The following RBFOX1 variants were observed in gnomAD, a reference collection of about 807,000 sequenced individuals.
RBFOX1 encodes RNA binding fox-1 homolog 1.
Under a neutral mutation model 57.7 loss-of-function variants are expected in RBFOX1, and 8 were observed. The ratio of observed to expected loss-of-function variants is 0.14; its 90% CI spans 0.08 to 0.25. The LOEUF (loss-of-function observed/expected upper bound fraction) is 0.25, where lower values mean the gene tolerates loss of function less well. RBFOX1 is among the 10% of genes least tolerant of loss of function. The pLI, the probability that RBFOX1 is intolerant of heterozygous loss-of-function variation, is 1.00. For missense variants in RBFOX1, 611 were observed against 548.5 expected (o/e 1.11, Z -1.14); for synonymous variants, 326 against 222.4 (o/e 1.47, Z -4.15).
chr16:6,243,909 C>T (rs904796047), intron 1 of RBFOX1, among the ~76,000 whole-genome samples: 1 of 152,136 alleles, frequency 6.6e-6, no homozygotes, highest in Non-Finnish European at 1.5e-5. Flanking sequence ...TGTATCAACA[C>T]TCATGTTGGA....
intron 1 of RBFOX1, among the ~76,000 whole-genome samples, chr16:6,156,913 C>T (rs1438520763): frequency 6.6e-6 from 1 of 152,148 alleles, no homozygotes; most frequent in Non-Finnish European, 1.5e-5. Flanking sequence ...GATTATGGTT[C>T]ACCATAGCCC....
intron 2 of RBFOX1, among the ~76,000 whole-genome samples, chr16:6,480,077 C>G (rs981030099): frequency 6.7e-6 from 1 of 149,036 alleles, no homozygotes; most frequent in Non-Finnish European, 1.5e-5. Context: ...AATCACTGGT[C>G]TAGAAAAATG....
At chr16:6,036,850 G>T (rs1342412304) in intron 1 of RBFOX1, among the ~76,000 whole-genome samples, 1 of 152,190 alleles carries the variant, frequency 6.6e-6, no homozygotes, top group African/African-American at 2.4e-5. Context: ...TTCTCAAAGT[G>T]CTATATGGGA....
At chr16:6,230,851 C>T (rs965907588) in intron 1 of RBFOX1, among the ~76,000 whole-genome samples, 1 of 152,162 alleles carries the variant, frequency 6.6e-6, no homozygotes, top group Non-Finnish European at 1.5e-5. Flanking sequence ...TATACATAAA[C>T]TCCTTGGTGT....
intron 3 of RBFOX1, among the ~76,000 whole-genome samples, chr16:6,859,125 A>ATATG (rs2058454440): frequency 1.5e-5 from 1 of 66,328 alleles, no homozygotes; most frequent in Non-Finnish European, 2.6e-5. Flanking sequence ...ATATATATAT[A>ATATG]TATACATATA....
At chr16:7,543,367 A>G (rs2083473959) in intron 5 of RBFOX1, among the ~76,000 whole-genome samples, 1 of 152,206 alleles carries the variant, frequency 6.6e-6, no homozygotes. Context: ...AGAAATTACA[A>G]GACTTTTTTA....
chr16:6,066,465 C>T (rs550854006), intron 1 of RBFOX1, among the ~76,000 whole-genome samples: 1 of 152,168 alleles, frequency 6.6e-6, no homozygotes, highest in African/African-American at 2.4e-5. Flanking sequence ...TACAGTGCTG[C>T]TAAGTTAGAT....
At chr16:6,230,768 A>G (rs562705881) in intron 1 of RBFOX1, among the ~76,000 whole-genome samples, 1 of 152,190 alleles carries the variant, frequency 6.6e-6, no homozygotes, top group Non-Finnish European at 1.5e-5. Context: ...CTTCTGGGAG[A>G]TGAAGTCCAA....
chr16:6,150,987 G>T (rs904287603), intron 1 of RBFOX1, among the ~76,000 whole-genome samples: 1 of 152,140 alleles, frequency 6.6e-6, no homozygotes, highest in Admixed American at 6.5e-5. Context: ...TGTTCCTGCT[G>T]TTCTCCAGGA....
intron 2 of RBFOX1, among the ~76,000 whole-genome samples, chr16:6,327,575 A>G (rs1173470487): frequency 1.3e-5 from 2 of 152,110 alleles, no homozygotes; most frequent in Non-Finnish European, 2.9e-5. Context: ...CTCAGATTAT[A>G]TTTAAGAGGA....
chr16:5,653,203 C>T (rs1325873955), intron 3 of RBFOX1, among the ~76,000 whole-genome samples: 1 of 145,106 alleles, frequency 6.9e-6, no homozygotes. Flanking sequence ...AGGTGGGGTG[C>T]TTAGCCATGT....
chr16:6,680,274 C>A (rs111237702), intron 3 of RBFOX1, among the ~76,000 whole-genome samples: 1 of 88,934 alleles, frequency 1.1e-5, no homozygotes, highest in African/African-American at 4.0e-5. Flanking sequence ...TTCTCTCTCT[C>A]TTTTTTTTTT....
At chr16:6,485,249 T>C (rs763721371) in intron 2 of RBFOX1, among the ~76,000 whole-genome samples, 15 of 152,106 alleles carry the variant, frequency 9.9e-5, no homozygotes, top group Non-Finnish European at 2.1e-4. Flanking sequence ...GTGTGATGCC[T>C]CCCCTCTATT....
chr16:5,523,713 G>A (rs1274999412), intron 2 of RBFOX1, among the ~76,000 whole-genome samples: 1 of 152,226 alleles, frequency 6.6e-6, no homozygotes, highest in African/African-American at 2.4e-5. Context: ...TGGAGTTGCT[G>A]GATCAAGTGG....
intron 2 of RBFOX1, among the ~76,000 whole-genome samples, chr16:6,473,713 G>T (rs1295706832): frequency 6.6e-6 from 1 of 152,144 alleles, no homozygotes; most frequent in East Asian, 1.9e-4. Flanking sequence ...GGCAGGCAGA[G>T]GAGTAGGAAA....
At chr16:7,706,036 TGCTGTGCTCTGTCTCCGG>T (rs1278453493) in intron 14 of RBFOX1, among the ~76,000 whole-genome samples, 1 of 152,132 alleles carries the variant, frequency 6.6e-6, no homozygotes, top group Non-Finnish European at 1.5e-5. Context: ...TCCTGGGTAT[TGCTGTGCTCTGTCTCCGG>T]GCTGTGCTTA....
At chr16:5,524,345 C>T (rs2044148118) in intron 2 of RBFOX1, among the ~76,000 whole-genome samples, 1 of 152,146 alleles carries the variant, frequency 6.6e-6, no homozygotes, top group African/African-American at 2.4e-5. Context: ...TTGGGTTAAG[C>T]ATTGCCTTCG....
intron 3 of RBFOX1, chr16:6,874,123 T>G (rs942567921): frequency 6.6e-6 from 1 of 152,128 alleles, no homozygotes; most frequent in African/African-American, 2.4e-5. Context: ...TTCAGAAATA[T>G]GGAACCAGCC....
intron 2 of RBFOX1, among the ~76,000 whole-genome samples, chr16:5,483,977 C>A (rs546165020): frequency 6.6e-6 from 1 of 151,904 alleles, no homozygotes; most frequent in South Asian, 2.1e-4. Flanking sequence ...TTCAGACTAG[C>A]CTGAGCAATA....
Sources: gnomAD v4.1 joint callset for allele counts (sites outside exome capture counted in the v4.1 genomes callset) on GRCh38, gnomAD v4.1.1 for gene constraint, MANE v1.5 for transcripts, NCBI Gene and HGNC (gene_info 2026-07-23, HGNC 2026-07-21) for gene names.